The following ERP29 variants were observed in gnomAD, a reference collection of about 807,000 sequenced individuals.
The protein encoded by ERP29 is endoplasmic reticulum protein 29.
A neutral mutation model predicts 21.7 loss-of-function variants in ERP29; 14 were observed. The observed-to-expected ratio is 0.64, with a 90% CI of 0.43 to 1.01. The LOEUF is 1.01. ERP29 is among the 50% of genes least tolerant of loss of function. The pLI is 0.00. For synonymous variants in ERP29, 129 were observed against 139.1 expected, an observed-to-expected ratio of 0.93 and a Z score of 0.51; for missense variants, 286 against 327.3, an observed-to-expected ratio of 0.87 and a Z score of 0.97.
At chr12:112,020,545 C>T (rs2078039372) in intron 2 of ERP29, among the ~76,000 whole-genome samples, 2 of 152,120 alleles carry the variant, frequency 1.3e-5, no homozygotes, top group Non-Finnish European at 2.9e-5. Context: ...CAGAGCTCCA[C>T]CTAAGTGTTT....
intron 2 of ERP29, among the ~76,000 whole-genome samples, chr12:112,021,035 G>A (rs2078041533): frequency 6.6e-6 from 1 of 152,190 alleles, no homozygotes; most frequent in African/African-American, 2.4e-5. Flanking sequence ...TCAGTCCTTG[G>A]GGCTGCTACT....
intron 1 of ERP29, among the ~76,000 whole-genome samples, chr12:112,016,320 C>T (rs2078012302): frequency 6.6e-6 from 1 of 152,196 alleles, no homozygotes; most frequent in Non-Finnish European, 1.5e-5. Flanking sequence ...TTGTTCCATG[C>T]TTTGCCTTTC....
rs148912549 is a variant in ERP29, at chr12:112,017,769, G to T, written c.145-1987G>T. Among the ~76,000 whole-genome samples the T allele has an allele frequency of 4.7e-3, 681 of 145,636 alleles. 5 individuals are homozygous for T. Among genetic ancestry groups the T allele is most frequent in the African/African-American group, 0.016 (621 of 39,122 alleles). On this transcript the variant is annotated intron_variant, in intron 1 of 2. Coordinates refer to ENST00000261735, the MANE Select transcript of ERP29 (RefSeq NM_006817.4). Reference sequence around the variant, plus strand: ...AAGGACAAAGACTAACAAGAACATTGTATCTTTTTTTTTCTTTTTTTTTTT... The same window carrying T: ...AAGGACAAAGACTAACAAGAACATTTTATCTTTTTTTTTCTTTTTTTTTTT...
chr12:112,016,160 G>A (rs1015730545), intron 1 of ERP29, among the ~76,000 whole-genome samples: 3 of 152,182 alleles, frequency 2.0e-5, no homozygotes, highest in African/African-American at 7.2e-5. Flanking sequence ...GATCGTCTGC[G>A]CTGCATAACA....
At chr12:112,020,570 GCTTA>G (rs1380051492) in intron 2 of ERP29, among the ~76,000 whole-genome samples, 1 of 152,134 alleles carries the variant, frequency 6.6e-6, no homozygotes, top group Non-Finnish European at 1.5e-5. Context: ...CCAGGCAGGG[GCTTA>G]CTTATTTCAC....
In ERP29 at chr12:112,022,268, G is replaced by A; in HGVS notation, c.402G>A (p.Gly134=). ...TTGAGAACCCAGTCCCATACACTGG[G>A]GCAGTTAAGGTTGGAGCCATCCAGC... The part of the protein sequence containing the change: ...GDFENPVPYT[G]AVKVGAIQRW... Residue 134 remains glycine, a synonymous_variant, in exon 3 of 3, where the codon GGG becomes GGA. Transcript: ENST00000261735. The A allele has an allele frequency of 6.2e-7, 1 of 1,613,150 alleles. No individual in the cohort carries two copies.
Position 112,022,741 on chromosome 12 carries a change from G to C in ERP29, c.*89G>C, listed in dbSNP as rs543611029. ...TGTGAGTCCCTTGTGGAATATAAGG[G>C]GGTAGTGGGAAAAGTGGTACTAACC... On this transcript the variant is annotated 3_prime_UTR_variant, in exon 3 of 3. Coordinates refer to ENST00000261735, the MANE Select transcript of ERP29 (RefSeq NM_006817.4). The C allele has an allele frequency of 7.2e-7, 1 of 1,389,640 alleles. No homozygotes were observed. Among genetic ancestry groups the C allele is most frequent in the Non-Finnish European group, 9.7e-7 (1 of 1,028,916 alleles). The allele number at this position is 1,389,640 out of a possible 1,614,324, so 86.1% of individuals were successfully genotyped here. A position where few individuals can be genotyped will look rare whatever the true frequency, so the allele number is the denominator to read the frequency against.
intron 2 of ERP29, among the ~76,000 whole-genome samples, chr12:112,021,211 T>A (rs1307465260): frequency 6.6e-6 from 1 of 151,970 alleles, no homozygotes; most frequent in South Asian, 2.1e-4. Flanking sequence ...CTCACCCAGC[T>A]CCAGCCAGAC....
intron 1 of ERP29, among the ~76,000 whole-genome samples, chr12:112,018,156 G>C (rs986629482): frequency 1.3e-5 from 2 of 151,832 alleles, no homozygotes; most frequent in African/African-American, 4.8e-5. Context: ...TTTTTAGAGA[G>C]AGAGAGAGAG....
intron 1 of ERP29, among the ~76,000 whole-genome samples, chr12:112,014,142 A>G (rs527953391): frequency 2.0e-5 from 3 of 152,094 alleles, no homozygotes; most frequent in Non-Finnish European, 4.4e-5. Context: ...AAGCGTGAAG[A>G]ATAAGCTTCA....
rs529615265 is a variant in ERP29 at position 112,023,033 on chromosome 12, A to G, written c.*381A>G. 5.6e-6 allele frequency: 1 copy of G among 177,080 alleles called. No individual in the cohort carries two copies. Among genetic ancestry groups the G allele is most frequent in the East Asian group, 1.6e-4 (1 of 6,312 alleles). 11.0% of individuals were successfully genotyped at this position (177,080 alleles called of 1,614,324 possible). The stretch of plus-strand genomic sequence containing the variant: ...TTCTTTTCAAATTATACTTTCGTCT[A>G]TGACCTGCTTTCCTCTTTGAATCTA... On this transcript the variant is annotated 3_prime_UTR_variant, in exon 3 of 3. Transcript: ENST00000261735.
chr12:112,018,792 T>C (rs1229576363), intron 1 of ERP29: 1 of 152,176 alleles, frequency 6.6e-6, no homozygotes, highest in Non-Finnish European at 1.5e-5. Flanking sequence ...TAAACAAAAA[T>C]GTGGTCTATC....
Position 112,013,458 on chromosome 12 carries a change from C to A in ERP29, c.-8C>A. On this transcript the variant is annotated 5_prime_UTR_variant, in exon 1 of 3. Transcript: ENST00000261735. Reference sequence around the variant, plus strand: ...CTTACCTACCTCCCTCTGCAGGAACCCGGCGATATGGCTGCCGCTGTGCCC... The same window carrying A: ...CTTACCTACCTCCCTCTGCAGGAACACGGCGATATGGCTGCCGCTGTGCCC... The A allele has an allele frequency of 3.7e-6, 6 of 1,608,086 alleles. No homozygotes were observed. The highest frequency in any genetic ancestry group is 5.1e-6 in the Non-Finnish European group (6 of 1,177,140).
rs769860528 is a variant in ERP29 at position 112,022,639 on chromosome 12, AAG to A, written c.776_777del (p.Glu259GlyfsTer26). The A allele has an allele frequency of 1.9e-6, 3 of 1,608,602 alleles. No homozygotes were observed. The highest frequency in any genetic ancestry group is 2.5e-6 in the Non-Finnish European group (3 of 1,177,312). On this transcript the variant is annotated frameshift_variant, in exon 3 of 3. Coordinates refer to ENST00000261735, the MANE Select transcript of ERP29 (RefSeq NM_006817.4). LOFTEE classifies it high-confidence loss of function. Reference sequence around the variant, plus strand: ...GCCTTCCAGAAGAAGGGGGCCGAGAAAGAGGAGCTGTAAAAAGGCTGTCTGTG... The same window carrying A: ...GCCTTCCAGAAGAAGGGGGCCGAGAAAGGAGCTGTAAAAAGGCTGTCTGTG...
chr12:112,013,737 C>T, intron 1 of ERP29, 128 bp downstream of exon 1: 3 of 1,031,672 alleles, frequency 2.9e-6, no homozygotes, highest in South Asian at 1.7e-5. Flanking sequence ...CAGAGCTTCC[C>T]GGCGTCCTAC....
At chr12:112,017,512 T>G (rs916691410) in intron 1 of ERP29, among the ~76,000 whole-genome samples, 1 of 152,074 alleles carries the variant, frequency 6.6e-6, no homozygotes, top group Non-Finnish European at 1.5e-5. Context: ...AGAGAGCAAA[T>G]GAAAAAGCTC....
rs1380440911 is a variant in ERP29, at chr12:112,019,910, G to A, written c.283+16G>A. 10 of 1,613,618 alleles carry A rather than the reference G, an allele frequency of 6.2e-6. No homozygotes were observed. On this transcript the variant is annotated intron_variant, in intron 2 of 2. Coordinates refer to ENST00000261735, the MANE Select transcript of ERP29 (RefSeq NM_006817.4). ...GGGATCTCAGGTATGGACAAGTCCA[G>A]GACGGCTGGGGGGGCAGAGAGGGAG...
At chr12:112,021,301 A>G (rs1200477242) in intron 2 of ERP29, among the ~76,000 whole-genome samples, 1 of 151,628 alleles carries the variant, frequency 6.6e-6, no homozygotes, top group Non-Finnish European at 1.5e-5. Flanking sequence ...TGCCTGAGAC[A>G]CTCTTCCCAA....
Position 112,023,212 on chromosome 12 carries a change from TAGC to T in ERP29, c.*563_*565del, listed in dbSNP as rs2136783581. 1 of 152,718 alleles carries T rather than the reference TAGC, an allele frequency of 6.5e-6. No individual in the cohort carries two copies. Among genetic ancestry groups the T allele is most frequent in the African/African-American group, 2.4e-5 (1 of 41,554 alleles). The allele number at this position is 152,718 out of a possible 1,614,324, so 9.5% of individuals were successfully genotyped here. On this transcript the variant is annotated 3_prime_UTR_variant, in exon 3 of 3. Coordinates refer to ENST00000261735, the MANE Select transcript of ERP29 (RefSeq NM_006817.4). Reference sequence around the variant, plus strand: ...CTATTTTCCAGTCCTTAAAACTCAATAGCAGTATTGATGAATATATTGAACCAA... The same window carrying T: ...CTATTTTCCAGTCCTTAAAACTCAATAGTATTGATGAATATATTGAACCAA...
Sources: gnomAD v4.1 joint callset for allele counts (sites outside exome capture counted in the v4.1 genomes callset) on GRCh38, gnomAD v4.1.1 for gene constraint, MANE v1.5 for transcripts, NCBI Gene and HGNC (gene_info 2026-07-23, HGNC 2026-07-21) for gene names.